The following TUSC3 variants were observed in gnomAD, a reference collection of about 807,000 sequenced individuals.
TUSC3 encodes tumor suppressor candidate 3, also known as dolichyl-diphosphooligosaccharide--protein glycosyltransferase subunit TUSC3.
In TUSC3, 45 loss-of-function variants were observed where a neutral mutation model predicts 44.8. The observed-to-expected ratio is 1.00, with a 90% CI of 0.79 to 1.29. The LOEUF (loss-of-function observed/expected upper bound fraction) is 1.29, where lower values mean the gene tolerates loss of function less well. Among genes scored for constraint, TUSC3 ranks in the 50% most tolerant of loss-of-function variants. TUSC3 has a pLI of 0.00. For missense variants in TUSC3, 519 were observed against 437.9 expected (o/e 1.19, Z -1.65); for synonymous variants, 212 against 152.9 (o/e 1.39, Z -2.85).
At chr8:15,630,577 T>C (rs1218814430) in intron 2 of TUSC3, among the ~76,000 whole-genome samples, 4 of 152,168 alleles carry the variant, frequency 2.6e-5, no homozygotes, top group African/African-American at 9.7e-5. Flanking sequence ...AGCTAGTAAC[T>C]GTTCAGGGTT....
intron 6 of TUSC3, among the ~76,000 whole-genome samples, chr8:15,703,020 G>C (rs1336551546): frequency 6.6e-6 from 1 of 152,146 alleles, no homozygotes; most frequent in African/African-American, 2.4e-5. Context: ...GGAGGTAGTA[G>C]TGAGGCTATC....
chr8:15,646,270 AAC>A (rs951295379), intron 2 of TUSC3, among the ~76,000 whole-genome samples: 6 of 152,128 alleles, frequency 3.9e-5, no homozygotes, highest in African/African-American at 7.2e-5. Flanking sequence ...ATGTTCGTGA[AAC>A]ACAGACTATT....
intron 5 of TUSC3, among the ~76,000 whole-genome samples, chr8:15,672,607 C>G (rs777631256): frequency 5.9e-5 from 9 of 152,148 alleles, no homozygotes; most frequent in Admixed American, 2.6e-4. Flanking sequence ...TTTAAACATA[C>G]CAGTGGTAGG....
At chr8:15,472,825 A>G (rs1440191525) in intron 1 of TUSC3, among the ~76,000 whole-genome samples, 1 of 152,214 alleles carries the variant, frequency 6.6e-6, no homozygotes, top group Admixed American at 6.5e-5. Flanking sequence ...TTAAATGGCA[A>G]ATGCTTTGTG....
Position 15,673,843 on chromosome 8 carries a change from G to A in TUSC3, c.798+7G>A. ...CCCACACAATGGACAAGTGGTAAGT[G>A]TAATTTATAAGCATGAATATTCTGA... is the stretch of plus-strand genomic sequence containing the variant. On this transcript the variant is annotated splice_region_variant and intron_variant, in intron 6 of 10. Transcript: ENST00000503731. The A allele has an allele frequency of 6.2e-7, 1 of 1,607,044 alleles. No individual in the cohort carries two copies. The highest frequency in any genetic ancestry group is 8.5e-7 in the Non-Finnish European group (1 of 1,174,254).
chr8:15,513,561 G>C (rs1044385133), intron 2 of TUSC3, among the ~76,000 whole-genome samples: 7 of 152,164 alleles, frequency 4.6e-5, no homozygotes, highest in African/African-American at 7.2e-5. Flanking sequence ...GTCCTTTTTA[G>C]ACTCAAGAAC....
At chr8:15,435,509 CATATT>C (rs1799934690) in intron 1 of TUSC3, among the ~76,000 whole-genome samples, 1 of 152,130 alleles carries the variant, frequency 6.6e-6, no homozygotes, top group Admixed American at 6.6e-5. Context: ...TTTCAAATAG[CATATT>C]ATATAAAACA....
At chr8:15,781,257 G>C in the TUSC3 span, among the ~76,000 whole-genome samples, 4 of 152,200 alleles carry the variant, frequency 2.6e-5, no homozygotes, top group African/African-American at 7.2e-5. Context: ...TCGGCTTCAT[G>C]ATGGGGATAC....
intron 2 of TUSC3, among the ~76,000 whole-genome samples, chr8:15,504,004 ACT>A (rs1319860774): frequency 1.3e-4 from 16 of 121,180 alleles, no homozygotes; most frequent in Non-Finnish European, 1.8e-5. Context: ...ACAGAGTGAG[ACT>A]CTGTCTCAAA....
intron 1 of TUSC3, among the ~76,000 whole-genome samples, chr8:15,596,174 A>G (rs1804057819): frequency 6.6e-6 from 1 of 152,224 alleles, no homozygotes; most frequent in African/African-American, 2.4e-5. Flanking sequence ...AATTGGGAAC[A>G]TATATCCATC....
chr8:15,606,723 G>T (rs772278230), intron 1 of TUSC3, among the ~76,000 whole-genome samples: 3 of 151,910 alleles, frequency 2.0e-5, no homozygotes. Context: ...TTATATTTAC[G>T]TGTGTACTTT....
At chr8:15,666,637 A>AT (rs1807674090) in intron 5 of TUSC3, among the ~76,000 whole-genome samples, 1 of 151,474 alleles carries the variant, frequency 6.6e-6, no homozygotes, top group African/African-American at 2.4e-5. Context: ...TTTCATCCAC[A>AT]TTTATTTGAA....
At chr8:15,757,065 G>A (rs1175188117) in intron 9 of TUSC3, among the ~76,000 whole-genome samples, 1 of 152,148 alleles carries the variant, frequency 6.6e-6, no homozygotes, top group African/African-American at 2.4e-5. Context: ...GAGCCCAGGA[G>A]TTTGAGGCTG....
intron 6 of TUSC3, among the ~76,000 whole-genome samples, chr8:15,721,362 GTT>G (rs960508455): frequency 2.7e-5 from 4 of 150,428 alleles, no homozygotes; most frequent in African/African-American, 1.0e-4. Flanking sequence ...AGCCATAAAA[GTT>G]TTTTTTGTTT....
At chr8:15,459,036 A>T (rs1227764976) in intron 1 of TUSC3, among the ~76,000 whole-genome samples, 1 of 152,172 alleles carries the variant, frequency 6.6e-6, no homozygotes, top group African/African-American at 2.4e-5. Flanking sequence ...CCCTTTTATG[A>T]TCTCCCCAAA....
intron 3 of TUSC3, among the ~76,000 whole-genome samples, chr8:15,652,740 A>G (rs1244522177): frequency 6.6e-6 from 1 of 152,188 alleles, no homozygotes; most frequent in Non-Finnish European, 1.5e-5. Flanking sequence ...TAGAAGTGCT[A>G]TTCAATGTAT....
chr8:15,841,796 G>A, the TUSC3 span, among the ~76,000 whole-genome samples: 8 of 152,252 alleles, frequency 5.3e-5, no homozygotes, highest in Middle Eastern at 3.4e-3. Context: ...TTACAGCTGT[G>A]AGCCACCACA....
chr8:15,688,083 A>G (rs1049277943), intron 6 of TUSC3, among the ~76,000 whole-genome samples: 12 of 152,168 alleles, frequency 7.9e-5, no homozygotes, highest in African/African-American at 2.4e-4. Context: ...ACTTTTTCAT[A>G]TTCTTTAATT....
At chr8:15,824,516 C>G in the TUSC3 span, among the ~76,000 whole-genome samples, 11 of 151,562 alleles carry the variant, frequency 7.3e-5, no homozygotes, top group Non-Finnish European at 1.5e-4. Flanking sequence ...GGACAAAAAA[C>G]CAAACACTGC....
Sources: gnomAD v4.1 joint callset for allele counts (sites outside exome capture counted in the v4.1 genomes callset) on GRCh38, gnomAD v4.1.1 for gene constraint, MANE v1.5 for transcripts, NCBI Gene and HGNC (gene_info 2026-07-23, HGNC 2026-07-21) for gene names.